Variants in AGO2 observed in about 807,000 individuals in gnomAD.
AGO2 encodes the protein protein argonaute-2.
A neutral mutation model predicts 102.3 loss-of-function variants in AGO2; 5 were observed. The ratio of observed to expected loss-of-function variants is 0.05; its 90% confidence interval spans 0.03 to 0.10. The LOEUF (loss-of-function observed/expected upper bound fraction) is 0.10. Ranked by LOEUF, AGO2 falls within the 10% of genes least tolerant of loss-of-function variation. The pLI, the probability that AGO2 is intolerant of heterozygous loss-of-function variation, is 1.00. For missense variants in AGO2, 541 were observed against 1,183.7 expected (o/e 0.46, Z 7.97); for synonymous variants, 449 against 473.1 (o/e 0.95, Z 0.66).
intron 3 of AGO2, among the ~76,000 whole-genome samples, chr8:140,564,633 C>G (rs1301759222): frequency 6.6e-6 from 1 of 152,206 alleles, no homozygotes; most frequent in Non-Finnish European, 1.5e-5. Flanking sequence ...TTTCCTCCAG[C>G]TTAAGCATGT....
At chr8:140,628,399 G>GTGTGTGTGTGTTACATACC (rs2074301881) in intron 1 of AGO2, among the ~76,000 whole-genome samples, 1 of 150,936 alleles carries the variant, frequency 6.6e-6, no homozygotes, top group Non-Finnish European at 1.5e-5. Context: ...GTGTGTGTGC[G>GTGTGTGTGTGTTACATACC]TGTGTGTGTG....
intron 1 of AGO2, among the ~76,000 whole-genome samples, chr8:140,601,454 A>G (rs956881304): frequency 6.6e-6 from 1 of 152,192 alleles, no homozygotes; most frequent in Admixed American, 6.5e-5. Flanking sequence ...CCAAAGAGAA[A>G]TGTCTCTGTT....
chr8:140,595,848 ATATTTATATTATATACAATTG>A (rs1275722600), intron 1 of AGO2, among the ~76,000 whole-genome samples: 60,390 of 110,034 alleles, frequency 0.55, 18,344 homozygotes, highest in African/African-American at 0.63. Flanking sequence ...TGTATATATT[ATATTTATATTATATACAATTG>A]TATATTATAT....
chr8:140,602,201 A>C (rs2133052198), intron 1 of AGO2, among the ~76,000 whole-genome samples: 1 of 152,372 alleles, frequency 6.6e-6, no homozygotes, highest in East Asian at 1.9e-4. Flanking sequence ...AGATGTTAAA[A>C]ATAAATATCA....
At chr8:140,595,501 G>A (rs2073812503) in intron 1 of AGO2, among the ~76,000 whole-genome samples, 1 of 149,186 alleles carries the variant, frequency 6.7e-6, no homozygotes, top group Non-Finnish European at 1.5e-5. Context: ...ATCTCACTCT[G>A]TTGCCGAAGC....
chr8:140,525,016 A>G lies in AGO2; in HGVS notation c.*7028T>C, dbSNP rs1424511661. 2.0e-5 allele frequency: 3 copies of G among 152,196 alleles called. No homozygotes were observed. In the East Asian group the frequency reaches 5.8e-4, roughly 29 times the overall value. 9.4% of individuals were successfully genotyped at this position (152,196 alleles called of 1,614,324 possible). ...TAAATCCAAGGAGGTTTTAAATAGG[A>G]GATAACTCAGCCTCTTCCTACCCCC... On this transcript the variant is annotated 3_prime_UTR_variant, in exon 19 of 19. Coordinates refer to ENST00000220592, the MANE Select transcript of AGO2 (RefSeq NM_012154.5).
At chr8:140,595,849 T>C (rs1392820805) in intron 1 of AGO2, among the ~76,000 whole-genome samples, 3 of 26,304 alleles carry the variant, frequency 1.1e-4, no homozygotes, top group Admixed American at 4.4e-4. Context: ...GTATATATTA[T>C]ATTTATATTA....
At chr8:140,541,071 C>G in intron 15 of AGO2, 93 bp downstream of exon 15, 1 of 1,357,568 alleles carries the variant, frequency 7.4e-7, no homozygotes, top group East Asian at 2.5e-5. Flanking sequence ...AGAGCCACAT[C>G]ATTCTTGCCA....
intron 2 of AGO2, 66 bp downstream of exon 2, chr8:140,585,053 T>A: frequency 7.0e-7 from 1 of 1,422,856 alleles, no homozygotes; most frequent in Non-Finnish European, 9.5e-7. Context: ...CAGAGTTGAT[T>A]AGTTTAAATG....
chr8:140,545,739 G>A (rs545258443), intron 13 of AGO2, among the ~76,000 whole-genome samples: 1 of 152,324 alleles, frequency 6.6e-6, no homozygotes, highest in Non-Finnish European at 1.5e-5. Flanking sequence ...CAAGTCCCAG[G>A]GCTCTATCTT....
Position 140,527,877 on chromosome 8 carries a change from C to A in AGO2, c.*4167G>T, listed in dbSNP as rs1460560682. On this transcript the variant is annotated 3_prime_UTR_variant, in exon 19 of 19. Transcript: ENST00000220592. The surrounding 1 kb of genome is among the most constrained non-coding windows in gnomAD (Gnocchi z 6.0). ...AACTGCCTTATGTGTAGGAAAATGC[C>A]CATGAAAAATCCTTTTAACTGTCCA... is the stretch of plus-strand genomic sequence containing the variant. 3 of 152,136 alleles carry A rather than the reference C, an allele frequency of 2.0e-5. No homozygotes were observed. Among genetic ancestry groups the A allele is most frequent in the Non-Finnish European group, 4.4e-5 (3 of 68,030 alleles). The allele number at this position is 152,136 out of a possible 1,614,324, so 9.4% of individuals were successfully genotyped here. A position where few individuals can be genotyped will look rare whatever the true frequency, so the allele number is the denominator to read the frequency against.
chr8:140,604,339 T>C (rs963227136), intron 1 of AGO2, among the ~76,000 whole-genome samples: 1 of 152,222 alleles, frequency 6.6e-6, no homozygotes, highest in African/African-American at 2.4e-5. Context: ...TGCTTAGGTA[T>C]GTTGAAATTA....
At chr8:140,541,484 G>C in intron 14 of AGO2, 126 bp from the exon 15 acceptor site, 1 of 894,536 alleles carries the variant, frequency 1.1e-6, no homozygotes, top group Non-Finnish European at 1.6e-6. Flanking sequence ...TCACTGTCAA[G>C]TGACAATGGC....
intron 2 of AGO2, 44 bp downstream of exon 2, chr8:140,585,075 C>CGCGCA (rs1264465301): frequency 6.4e-7 from 1 of 1,565,290 alleles, no homozygotes; most frequent in African/African-American, 1.4e-5. Flanking sequence ...CGTGTCTGTC[C>CGCGCA]GCGCAGACCA....
chr8:140,538,838 C>T (rs2132872220), intron 16 of AGO2, among the ~76,000 whole-genome samples: 1 of 152,294 alleles, frequency 6.6e-6, no homozygotes, highest in East Asian at 1.9e-4. Flanking sequence ...CAGTGGTTCA[C>T]ACCTGTAATG....
At chr8:140,559,079 G>T (rs2944758) in intron 6 of AGO2, among the ~76,000 whole-genome samples, 1 of 151,968 alleles carries the variant, frequency 6.6e-6, no homozygotes, top group Admixed American at 6.5e-5. Context: ...AAAAGAAAAC[G>T]CATCCTAGGT....
intron 3 of AGO2, among the ~76,000 whole-genome samples, chr8:140,566,635 T>C (rs2073291077): frequency 6.9e-6 from 1 of 145,370 alleles, no homozygotes; most frequent in African/African-American, 2.6e-5. Context: ...GGGGAAGGTG[T>C]CCCGCTCTCA....
In AGO2 at chr8:140,557,150, T is replaced by C; in HGVS notation, c.965A>G (p.Tyr322Cys). Reference sequence around the variant, plus strand: ...GACTTGTAAACATGGGAGGTGGGGGTAGCGCAGAACCAACTTGTGCCTGTC... The same window carrying C: ...GACTTGTAAACATGGGAGGTGGGGGCAGCGCAGAACCAACTTGTGCCTGTC... Reference protein sequence around the residue: ...FKDRHKLVLRYPHLPCLQVGQ... With the variant: ...FKDRHKLVLRCPHLPCLQVGQ... Residue 322 changes from tyrosine (Y) to cysteine (C), a missense_variant, in exon 8 of 19, where the codon TAC becomes TGC. Coordinates refer to ENST00000220592, the MANE Select transcript of AGO2 (RefSeq NM_012154.5). This position sits in a 1 kb window ranked among gnomAD's most constrained non-coding sequence, Gnocchi z 5.9. 1 of 1,613,750 alleles carries C rather than the reference T, an allele frequency of 6.2e-7. No individual in the cohort carries two copies. Among genetic ancestry groups the C allele is most frequent in the Non-Finnish European group, 8.5e-7 (1 of 1,179,926 alleles).
chr8:140,607,730 G>A (rs1361410942), intron 1 of AGO2, among the ~76,000 whole-genome samples: 1 of 151,884 alleles, frequency 6.6e-6, no homozygotes, highest in African/African-American at 2.4e-5. Flanking sequence ...ATCCAGAACA[G>A]GCCATTCTGT....
Sources: allele counts gnomAD v4.1 joint callset (sites outside exome capture counted in the v4.1 genomes callset), GRCh38; gene constraint gnomAD v4.1.1; non-coding constraint Gnocchi (gnomAD v3.1); transcripts MANE v1.5; gene names NCBI Gene and HGNC (gene_info 2026-07-23, HGNC 2026-07-21).